Variants in FRMD4A observed in about 807,000 individuals in gnomAD.
FRMD4A encodes the protein FERM domain containing 4A.
In FRMD4A, 29 loss-of-function variants were observed where a neutral mutation model predicts 129.1. The observed-to-expected ratio is 0.22, with a 90% CI of 0.17 to 0.31. The LOEUF (loss-of-function observed/expected upper bound fraction) is 0.31, where lower values mean the gene tolerates loss of function less well. Among genes scored for constraint, FRMD4A ranks in the 10% least tolerant of loss-of-function variants. FRMD4A has a pLI of 1.00. For synonymous variants in FRMD4A, 634 were observed against 571.6 expected (o/e 1.11, Z -1.56); for missense variants, 1,272 against 1,375.8 (o/e 0.92, Z 1.19).
At chr10:13,987,464 T>C (rs1261239330) in intron 2 of FRMD4A, among the ~76,000 whole-genome samples, 1 of 152,180 alleles carries the variant, frequency 6.6e-6, no homozygotes, top group Non-Finnish European at 1.5e-5. Context: ...GTAACATGCA[T>C]TTATTTCTAC....
intron 2 of FRMD4A, among the ~76,000 whole-genome samples, chr10:14,004,737 C>T (rs770556496): frequency 2.0e-5 from 3 of 151,986 alleles, no homozygotes; most frequent in Admixed American, 1.3e-4. Flanking sequence ...ATGAATAAAC[C>T]GAAGCTGAGA....
intron 6 of FRMD4A, among the ~76,000 whole-genome samples, chr10:13,777,344 A>AAATTTAAAAAT: frequency 6.6e-6 from 1 of 151,848 alleles, no homozygotes; most frequent in Non-Finnish European, 1.5e-5. Context: ...GTATATATAA[A>AAATTTAAAAAT]AAATTTAAAT....
intron 2 of FRMD4A, among the ~76,000 whole-genome samples, chr10:14,233,706 C>A (rs1462578236): frequency 6.6e-6 from 1 of 152,248 alleles, no homozygotes; most frequent in Non-Finnish European, 1.5e-5. Flanking sequence ...GAAAAAGACT[C>A]ACTGCTTTTG....
chr10:13,719,661 A>T lies in FRMD4A; in HGVS notation c.760-12548T>A, dbSNP rs114735125. ...ACTCATTAAGAAGAAGGAGGGGGAA[A>T]AAAAGCCTTACACAGCTTCCTAAGT... On this transcript the variant is annotated intron_variant, in intron 12 of 24. Transcript: ENST00000357447. Among the ~76,000 whole-genome samples, 579 of 152,320 alleles carry T rather than the reference A, an allele frequency of 3.8e-3. 3 individuals are homozygous for T. The highest frequency in any genetic ancestry group is 0.013 in the African/African-American group (554 of 41,568).
chr10:13,808,972 C>T (rs561684269), intron 4 of FRMD4A, among the ~76,000 whole-genome samples: 41 of 151,106 alleles, frequency 2.7e-4, no homozygotes, highest in Non-Finnish European at 4.6e-4. Flanking sequence ...CTGGCTTCTA[C>T]GCACGCACAC....
At chr10:13,913,620 T>C (rs2094966957) in intron 2 of FRMD4A, among the ~76,000 whole-genome samples, 1 of 152,154 alleles carries the variant, frequency 6.6e-6, no homozygotes, top group Non-Finnish European at 1.5e-5. Flanking sequence ...CCTTCATTCA[T>C]ATGACAAACA....
intron 2 of FRMD4A, among the ~76,000 whole-genome samples, chr10:14,148,047 A>G (rs1028348535): frequency 6.6e-6 from 1 of 152,176 alleles, no homozygotes; most frequent in African/African-American, 2.4e-5. Context: ...CGATAAACTC[A>G]GTAATATTGG....
At chr10:14,283,701 T>C (rs1251031106) in intron 2 of FRMD4A, among the ~76,000 whole-genome samples, 2 of 152,214 alleles carry the variant, frequency 1.3e-5, no homozygotes, top group Admixed American at 6.5e-5. Flanking sequence ...TTGTTTATAA[T>C]ATGTGTCATT....
chr10:14,044,264 G>A (rs1455870870), intron 2 of FRMD4A, among the ~76,000 whole-genome samples: 7 of 152,266 alleles, frequency 4.6e-5, no homozygotes, highest in African/African-American at 1.7e-4. Flanking sequence ...GAGCTCTATT[G>A]TTTTAGCCGT....
At chr10:14,047,135 T>C (rs1158475655) in intron 2 of FRMD4A, among the ~76,000 whole-genome samples, 2 of 152,170 alleles carry the variant, frequency 1.3e-5, no homozygotes. Context: ...TTCCATGAAA[T>C]AGATTCATTG....
At chr10:14,218,789 T>A (rs370772560) in intron 2 of FRMD4A, among the ~76,000 whole-genome samples, 49 of 151,796 alleles carry the variant, frequency 3.2e-4, no homozygotes, top group African/African-American at 8.7e-4. Context: ...ACTCTATCTC[T>A]ACTAAAAATA....
intron 2 of FRMD4A, among the ~76,000 whole-genome samples, chr10:14,263,546 G>A (rs865963473): frequency 6.6e-6 from 1 of 152,044 alleles, no homozygotes; most frequent in Non-Finnish European, 1.5e-5. Flanking sequence ...CCTTGCCCAC[G>A]ATCAGCTCTG....
chr10:13,944,575 G>T (rs192567797), intron 2 of FRMD4A, among the ~76,000 whole-genome samples: 48 of 152,068 alleles, frequency 3.2e-4, no homozygotes, highest in Non-Finnish European at 6.0e-4. Flanking sequence ...CATGAATCAG[G>T]TCCCCGGTGC....
rs201744174 is a variant in FRMD4A, at chr10:14,099,669, AG to A, written c.45+230388del. Among the ~76,000 whole-genome samples the A allele has an allele frequency of 2.0e-5, 3 of 152,352 alleles. No homozygotes were observed. In the East Asian group the frequency reaches 5.8e-4, roughly 29 times the overall value. ...GTGTAGTTCAAATCCATGTTGTGCAAGGGTCAGCTGTATTTACTTAATAAAT... is the reference window on the plus strand; with the variant it reads ...GTGTAGTTCAAATCCATGTTGTGCAAGGTCAGCTGTATTTACTTAATAAAT... On this transcript the variant is annotated intron_variant, in intron 2 of 24. Transcript: ENST00000357447.
At chr10:13,904,498 G>A (rs1223576270) in intron 2 of FRMD4A, among the ~76,000 whole-genome samples, 1 of 152,138 alleles carries the variant, frequency 6.6e-6, no homozygotes, top group Non-Finnish European at 1.5e-5. Flanking sequence ...TCTTTATACT[G>A]CTCTCCGTCA....
rs1042272867 is a variant in FRMD4A at position 13,644,268 on chromosome 10, A to G, written c.*2770T>C. On this transcript the variant is annotated 3_prime_UTR_variant, in exon 25 of 25. Coordinates refer to ENST00000357447, the MANE Select transcript of FRMD4A (RefSeq NM_018027.5). Reference sequence around the variant, plus strand: ...TCCAATAGGGGCTTTATATCAGACCAAGGACTTCGTATTTCACCTTATTTT... The same window carrying G: ...TCCAATAGGGGCTTTATATCAGACCGAGGACTTCGTATTTCACCTTATTTT... 4.7e-4 allele frequency: 71 copies of G among 152,352 alleles called. 1 individual carries two copies. Among genetic ancestry groups the G allele is most frequent in the African/African-American group, 1.7e-3 (71 of 41,590 alleles). 9.4% of individuals were successfully genotyped at this position (152,352 alleles called of 1,614,324 possible). A position where few individuals can be genotyped will look rare whatever the true frequency, so the allele number is the denominator to read the frequency against.
Position 13,997,620 on chromosome 10 carries a change from TTTTC to T in FRMD4A, c.46-138712_46-138709del, listed in dbSNP as rs201363810. ...AACACATGGCAATTCTTTTCTTTTCTTTTCTTTTTTTTTTTTTTTTGAGATAATA... is the reference window on the plus strand; with the variant it reads ...AACACATGGCAATTCTTTTCTTTTCTTTTTTTTTTTTTTTTTGAGATAATA... On this transcript the variant is annotated intron_variant, in intron 2 of 24. Coordinates refer to ENST00000357447, the MANE Select transcript of FRMD4A (RefSeq NM_018027.5). 7.2e-4 allele frequency among the ~76,000 whole-genome samples: 94 copies of T among 131,394 alleles called. 2 individuals are homozygous for T. Among genetic ancestry groups the T allele is most frequent in the Middle Eastern group, 3.8e-3 (1 of 260 alleles). 86.2% of individuals were successfully genotyped at this position (131,394 alleles called of 152,430 possible).
At chr10:13,919,396 T>C (rs2095045308) in intron 2 of FRMD4A, among the ~76,000 whole-genome samples, 1 of 152,138 alleles carries the variant, frequency 6.6e-6, no homozygotes, top group Non-Finnish European at 1.5e-5. Flanking sequence ...TGTGAATAAT[T>C]TGGCAGGGCG....
intron 5 of FRMD4A, among the ~76,000 whole-genome samples, chr10:13,794,391 CAAAAAAAAAAAA>C (rs5783349): frequency 9.7e-6 from 1 of 102,964 alleles, no homozygotes; most frequent in South Asian, 3.7e-4. Context: ...GAATCCGTCT[CAAAAAAAAAAAA>C]AAAAAAAAAT....
Sources: allele counts gnomAD v4.1 joint callset (sites outside exome capture counted in the v4.1 genomes callset), GRCh38; gene constraint gnomAD v4.1.1; transcripts MANE v1.5; gene names NCBI Gene and HGNC (gene_info 2026-07-23, HGNC 2026-07-21).